PI4KB: variants seen among roughly 807,000 people sequenced by gnomAD.
The protein encoded by PI4KB is phosphatidylinositol 4-kinase beta, also known as PtdIns 4-kinase beta.
A neutral mutation model predicts 81.4 loss-of-function variants in PI4KB; 23 were observed. That is an observed-to-expected ratio of 0.28 (90% CI 0.20 to 0.40). The LOEUF (loss-of-function observed/expected upper bound fraction) is 0.40. PI4KB is among the 10% of genes least tolerant of loss of function. The pLI, the probability that PI4KB is intolerant of heterozygous loss-of-function variation, is 1.00. For missense variants in PI4KB, 651 were observed against 1,036.6 expected (o/e 0.63, Z 5.11); for synonymous variants, 381 against 406.8 (o/e 0.94, Z 0.76).
chr1:151,318,663 GAT>G (rs1259594496), intron 1 of PI4KB, among the ~76,000 whole-genome samples: 4 of 152,078 alleles, frequency 2.6e-5, no homozygotes, highest in African/African-American at 7.2e-5. Context: ...GGTGAGCCGA[GAT>G]CGCACCGCTG....
intron 1 of PI4KB, among the ~76,000 whole-genome samples, chr1:151,323,059 G>A (rs1557816954): frequency 6.6e-6 from 1 of 152,172 alleles, no homozygotes; most frequent in Non-Finnish European, 1.5e-5. Context: ...ACTGTCAAAA[G>A]TTAATGGAAA....
chr1:151,312,616 A>G lies in PI4KB; in HGVS notation c.910-2361T>C, dbSNP rs1250086732. ...GACATTGTACAAAGTCAATAACTAC[A>G]TGTTGAGTGAATGAATGTTACATGA... is the stretch of plus-strand genomic sequence containing the variant. On this transcript the variant is annotated intron_variant, in intron 2 of 11. Coordinates refer to ENST00000368873, the MANE Select transcript of PI4KB (RefSeq NM_001369623.2). 3.9e-5 allele frequency among the ~76,000 whole-genome samples: 6 copies of G among 152,320 alleles called. No homozygotes were observed. In the East Asian group the frequency reaches 1.2e-3, roughly 29 times the overall value.
rs1694427988 is a variant in PI4KB at position 151,293,009 on chromosome 1, C to T, written c.2294G>A (p.Gly765Asp). Reference sequence around the variant, plus strand: ...TTTGAGGTTTCGAATGGTGCTGGAGCCATGGAAGCAAGGAAGCTGAGAACC... The same window carrying T: ...TTTGAGGTTTCGAATGGTGCTGGAGTCATGGAAGCAAGGAAGCTGAGAACC... ...QQGSQLPCFH[G>D]SSTIRNLKER... Residue 765 changes from glycine (G) to aspartate (D), a missense_variant, in exon 12 of 12, where the codon GGC (glycine) becomes GAC (aspartate). Gly to Asp is a moderately conservative substitution (Grantham distance 94). Around this residue, in one of 5 missense-constraint regions of PI4KB, gnomAD observed 70 missense variants for 108.1 expected, o/e 0.65. Transcript: ENST00000368873. The T allele has an allele frequency of 5.0e-6, 8 of 1,613,888 alleles. No homozygotes were observed. The highest frequency in any genetic ancestry group is 2.7e-5 in the African/African-American group (2 of 74,892).
chr1:151,314,312 A>C (rs1032246038), intron 2 of PI4KB, among the ~76,000 whole-genome samples: 4 of 152,208 alleles, frequency 2.6e-5, no homozygotes, highest in African/African-American at 9.6e-5. Flanking sequence ...GCTGGGTTGG[A>C]AGCCAGGATG....
At chr1:151,308,023 T>A (rs1695929950) in intron 3 of PI4KB, among the ~76,000 whole-genome samples, 1 of 152,112 alleles carries the variant, frequency 6.6e-6, no homozygotes, top group East Asian at 1.9e-4. Context: ...CCCTTGAGGG[T>A]AAGGGAGGCC....
chr1:151,317,139 C>CT (rs34628896), intron 1 of PI4KB, among the ~76,000 whole-genome samples: 73,408 of 126,940 alleles, frequency 0.58, 21,709 homozygotes, highest in East Asian at 0.63. Context: ...TTTACAAATT[C>CT]TTTTTTTTTT....
At chr1:151,305,321 A>G (rs765965113) in intron 5 of PI4KB, among the ~76,000 whole-genome samples, 1 of 152,210 alleles carries the variant, frequency 6.6e-6, no homozygotes, top group Non-Finnish European at 1.5e-5. Flanking sequence ...GCCCCAGAAT[A>G]AAGTTCAAGT....
chr1:151,320,010 C>T (rs1023401245), intron 1 of PI4KB, among the ~76,000 whole-genome samples: 7 of 152,144 alleles, frequency 4.6e-5, no homozygotes, highest in African/African-American at 1.7e-4. Flanking sequence ...AGTGTCTGTT[C>T]TTGTACGTCT....
chr1:151,316,487 C>A lies in PI4KB; in HGVS notation c.-6G>T, dbSNP rs760008343. 144 of 1,512,940 alleles carry A rather than the reference C, an allele frequency of 9.5e-5. No homozygotes were observed. Among genetic ancestry groups the A allele is most frequent in the Non-Finnish European group, 1.3e-4 (143 of 1,131,326 alleles). The allele number at this position is 1,512,940 out of a possible 1,614,324, so 93.7% of individuals were successfully genotyped here. A position where few individuals can be genotyped will look rare whatever the true frequency, so the allele number is the denominator to read the frequency against. ...TCCACTACTGTATCTCCCATGGCCA[C>A]AGCCAGACTTCGAGCTTCCAAGCTA... is the stretch of plus-strand genomic sequence containing the variant. On this transcript the variant is annotated 5_prime_UTR_variant, in exon 2 of 12. Transcript: ENST00000368873.
At chr1:151,298,756 G>A (rs866031971) in intron 9 of PI4KB, 52 bp downstream of exon 9, 1 of 1,579,466 alleles carries the variant, frequency 6.3e-7, no homozygotes, top group Non-Finnish European at 8.7e-7. Context: ...ACACACGAAG[G>A]GACAGAGAGA....
At chr1:151,294,619 G>A in intron 9 of PI4KB, 78 bp from the exon 10 acceptor site, 4 of 1,398,578 alleles carry the variant, frequency 2.9e-6, no homozygotes, top group East Asian at 2.3e-5. Context: ...GCAATACACT[G>A]GCCACATGAC....
chr1:151,306,356 T>A lies in PI4KB; in HGVS notation c.1190A>T (p.Tyr397Phe). 6.2e-7 allele frequency: 1 copy of A among 1,610,832 alleles called. No homozygotes were observed. The highest frequency in any genetic ancestry group is 8.5e-7 in the Non-Finnish European group (1 of 1,177,024). Residue 397 changes from tyrosine (Y) to phenylalanine (F), a missense_variant, in exon 5 of 12, where the codon TAC becomes TTC. Transcript: ENST00000368873. ...TTCAAGGACTTCCACATAAATCAGG[T>A]AGGGAGCCTGGGGGAAGAGTGAGAC... is the stretch of plus-strand genomic sequence containing the variant. ...VVLNSKDKAP[Y>F]LIYVEVLECE...
At position 151,294,149 on chromosome 1, in the gene PI4KB, AAG is replaced by A. The variant is rs773000919; in HGVS notation, c.2149-13_2149-12del. On this transcript the variant is annotated splice_polypyrimidine_tract_variant and intron_variant, in intron 10 of 11. Transcript: ENST00000368873. ...CAGGCCGCCCATCACCTGGAAAGGGAAGAGAGCGTTGTGTGCACAAGGGGTCT... is the reference window on the plus strand; with the variant it reads ...CAGGCCGCCCATCACCTGGAAAGGGAAGAGCGTTGTGTGCACAAGGGGTCT... The A allele has an allele frequency of 1.9e-6, 3 of 1,610,094 alleles. No individual in the cohort carries two copies. Among genetic ancestry groups the A allele is most frequent in the Non-Finnish European group, 2.5e-6 (3 of 1,177,836 alleles).
intron 6 of PI4KB, among the ~76,000 whole-genome samples, chr1:151,302,577 CTTTTT>C (rs144203698): frequency 2.2e-5 from 3 of 133,788 alleles, no homozygotes; most frequent in East Asian, 4.3e-4. Context: ...CTTTTCTTTT[CTTTTT>C]TTTTTTTTTT....
chr1:151,306,556 A>G (rs1213577754), intron 4 of PI4KB, 193 bp from the exon 5 acceptor site: 1 of 589,348 alleles, frequency 1.7e-6, no homozygotes, highest in Admixed American at 3.0e-5. Flanking sequence ...AATTTGTGTG[A>G]CAGAATCCTT....
intron 5 of PI4KB, among the ~76,000 whole-genome samples, chr1:151,304,511 T>G (rs973638807): frequency 2.7e-5 from 4 of 150,034 alleles, no homozygotes; most frequent in Admixed American, 2.7e-4. Context: ...GCCTGGCTAA[T>G]TTTTTGTATT....
chr1:151,294,168 A>G, intron 10 of PI4KB, 30 bp from the exon 11 acceptor site: 1 of 1,601,482 alleles, frequency 6.2e-7, no homozygotes, highest in South Asian at 1.1e-5. Flanking sequence ...TTGTGTGCAC[A>G]AGGGGTCTTA....
upstream of PI4KB, chr1:151,327,502 G>C (rs1489994065): frequency 2.5e-6 from 1 of 395,974 alleles, no homozygotes; most frequent in Non-Finnish European, 4.5e-6. Flanking sequence ...TCCTCCCTCA[G>C]TACAACCAAG....
chr1:151,295,489 A>G (rs1158076521), intron 9 of PI4KB, among the ~76,000 whole-genome samples: 1 of 152,246 alleles, frequency 6.6e-6, no homozygotes, highest in African/African-American at 2.4e-5. Context: ...ACAGGTGAAG[A>G]AAACAGAGGC....
Sources: allele counts gnomAD v4.1 joint callset (sites outside exome capture counted in the v4.1 genomes callset), GRCh38; gene constraint gnomAD v4.1.1; regional missense constraint gnomAD v4.1.1; transcripts MANE v1.5; gene names NCBI Gene and HGNC (gene_info 2026-07-23, HGNC 2026-07-21).